Variants in DNAI4 observed in about 807,000 individuals in gnomAD.
The protein encoded by DNAI4 is dynein axonemal intermediate chain 4, also known as WD repeat domain 78.
Under a neutral mutation model 105.8 loss-of-function variants are expected in DNAI4, and 85 were observed. That is an observed-to-expected ratio of 0.80 (90% CI 0.67 to 0.96). The LOEUF (loss-of-function observed/expected upper bound fraction) is 0.96. Among genes scored for constraint, DNAI4 ranks in the 40% least tolerant of loss-of-function variants. The pLI is 0.00. For synonymous variants in DNAI4, 352 were observed against 331.5 expected, an observed-to-expected ratio of 1.06 and a Z score of -0.67; for missense variants, 1,014 against 1,005.6, an observed-to-expected ratio of 1.01 and a Z score of -0.11.
At position 66,835,635 on chromosome 1, in the gene DNAI4, A is replaced by G. The variant is rs765959990; in HGVS notation, c.1724T>C (p.Leu575Pro). 1 of 1,614,124 alleles carries G rather than the reference A, an allele frequency of 6.2e-7. No individual in the cohort carries two copies. The highest frequency in any genetic ancestry group is 1.1e-5 in the South Asian group (1 of 91,074). Residue 575 changes from leucine (L) to proline (P), a missense_variant, in exon 11 of 17, where the codon CTG (leucine) becomes CCG (proline). Transcript: ENST00000371026. ...NVRSNSNVPV[L>P]DSSESPQKHL... Reference sequence around the variant, plus strand: ...ATTCTCGGATTCTTACCTACTATCCAGAACTGGAACATTACTGTTGCTCCG... The same window carrying G: ...ATTCTCGGATTCTTACCTACTATCCGGAACTGGAACATTACTGTTGCTCCG...
At chr1:66,873,381 G>A (rs1646891155) in intron 5 of DNAI4, among the ~76,000 whole-genome samples, 2 of 150,760 alleles carry the variant, frequency 1.3e-5, no homozygotes, top group Admixed American at 6.6e-5. Flanking sequence ...GAGCAGCTGG[G>A]ACTACAGGTA....
intron 6 of DNAI4, among the ~76,000 whole-genome samples, chr1:66,864,755 C>T (rs767350224): frequency 6.6e-6 from 1 of 152,176 alleles, no homozygotes; most frequent in South Asian, 2.1e-4. Context: ...GCAGGAGAAT[C>T]GCTTGAACCC....
At chr1:66,836,148 G>C (rs1198448445) in intron 10 of DNAI4, among the ~76,000 whole-genome samples, 1 of 22,026 alleles carries the variant, frequency 4.5e-5, no homozygotes, top group Admixed American at 5.3e-4. Context: ...AGAAAAGAAA[G>C]AAAGAAAGAA....
rs60301274 is a variant in DNAI4, at chr1:66,893,034, G to GGAAA, written c.530+191_530+194dup. 1.2e-3 allele frequency among the ~76,000 whole-genome samples: 107 copies of GGAAA among 91,156 alleles called. 4 individuals are homozygous for GGAAA. Among genetic ancestry groups the GGAAA allele is most frequent in the African/African-American group, 2.6e-3 (55 of 21,034 alleles). 59.8% of individuals were successfully genotyped at this position (91,156 alleles called of 152,430 possible). A position where few individuals can be genotyped will look rare whatever the true frequency, so the allele number is the denominator to read the frequency against. Reference sequence around the variant, plus strand: ...GAGAGGAAAGAAAGAAAGAAAGAGAGGAAAGAAAGAAAGAAAGAAAGAGAG... The same window carrying GGAAA: ...GAGAGGAAAGAAAGAAAGAAAGAGAGGAAAGAAAGAAAGAAAGAAAGAAAGAGAG... On this transcript the variant is annotated intron_variant, in intron 3 of 16. Coordinates refer to ENST00000371026, the MANE Select transcript of DNAI4 (RefSeq NM_024763.5).
At chr1:66,922,487 C>T (rs1407950921) in intron 1 of DNAI4, among the ~76,000 whole-genome samples, 1 of 152,104 alleles carries the variant, frequency 6.6e-6, no homozygotes, top group Non-Finnish European at 1.5e-5. Flanking sequence ...TAGTGAGATC[C>T]TGTGGGGCCC....
intron 1 of DNAI4, among the ~76,000 whole-genome samples, chr1:66,908,141 A>G (rs1649398540): frequency 6.6e-6 from 1 of 152,228 alleles, no homozygotes; most frequent in Non-Finnish European, 1.5e-5. Context: ...CTTTGAGCCT[A>G]TACCTGTATA....
intron 6 of DNAI4, chr1:66,870,663 T>G (rs1332293786): frequency 1.4e-5 from 2 of 139,010 alleles, no homozygotes; most frequent in Admixed American, 8.0e-5. Context: ...GGGGGAGAAT[T>G]GCTTGAACCC....
At chr1:66,885,771 C>A (rs751501809) in intron 4 of DNAI4, among the ~76,000 whole-genome samples, 1 of 152,098 alleles carries the variant, frequency 6.6e-6, no homozygotes, top group Non-Finnish European at 1.5e-5. Context: ...TTCCTTCTGG[C>A]TTCCGTCAAG....
chr1:66,918,129 C>A (rs553642113), intron 1 of DNAI4, among the ~76,000 whole-genome samples: 1 of 152,080 alleles, frequency 6.6e-6, no homozygotes, highest in East Asian at 1.9e-4. Flanking sequence ...TATGAAAGTC[C>A]AAAAAAGCCA....
In DNAI4 at chr1:66,814,170, A is replaced by ATC; in HGVS notation, c.2506_2507insGA (p.Met836ArgfsTer24). On this transcript the variant is annotated frameshift_variant, in exon 17 of 17. Coordinates refer to ENST00000371026, the MANE Select transcript of DNAI4 (RefSeq NM_024763.5). LOFTEE classifies it high-confidence loss of function. ...TGACTTGGATCCAAGCAAAGTATCC[A>ATC]TTATATCTCCCTGAAAAAAAAAAGT... 1 of 1,591,428 alleles carries ATC rather than the reference A, an allele frequency of 6.3e-7. No individual in the cohort carries two copies. The highest frequency in any genetic ancestry group is 8.5e-7 in the Non-Finnish European group (1 of 1,176,982).
At position 66,813,184 on chromosome 1, in the gene DNAI4, G is replaced by C. The variant is rs551833314; in HGVS notation, c.*946C>G. On this transcript the variant is annotated 3_prime_UTR_variant, in exon 17 of 17. Transcript: ENST00000371026. ...ATATTTTTTTTCCAGAGAGTTTAGT[G>C]AATTTCATATGCCCTATCGTCTCCT... 3 of 152,262 alleles carry C rather than the reference G, an allele frequency of 2.0e-5. No individual in the cohort carries two copies. The highest frequency in any genetic ancestry group is 2.9e-5 in the Non-Finnish European group (2 of 68,020). 9.4% of individuals were successfully genotyped at this position (152,262 alleles called of 1,614,324 possible). A position where few individuals can be genotyped will look rare whatever the true frequency, so the allele number is the denominator to read the frequency against.
intron 15 of DNAI4, among the ~76,000 whole-genome samples, chr1:66,825,304 C>T (rs1338826890): frequency 1.3e-5 from 2 of 151,002 alleles, no homozygotes; most frequent in Non-Finnish European, 1.5e-5. Flanking sequence ...CTCAGCCTCC[C>T]GAGTAGCTGG....
At chr1:66,870,684 G>T (rs1233614730) in intron 6 of DNAI4, 2 of 144,212 alleles carry the variant, frequency 1.4e-5, no homozygotes, top group East Asian at 2.1e-4. Context: ...AGGAGGCAGA[G>T]GTTGCAGTGA....
At position 66,890,155 on chromosome 1, in the gene DNAI4, A is replaced by G. The variant is rs983358408; in HGVS notation, c.643+999T>C. 1.3e-5 allele frequency: 2 copies of G among 152,124 alleles called. No individual in the cohort carries two copies. Among genetic ancestry groups the G allele is most frequent in the Admixed American group, 1.3e-4 (2 of 15,270 alleles). 9.4% of individuals were successfully genotyped at this position (152,124 alleles called of 1,614,324 possible). On this transcript the variant is annotated intron_variant, in intron 4 of 16. Transcript: ENST00000371026. This position sits in a 1 kb window ranked among gnomAD's most constrained non-coding sequence, Gnocchi z 4.1. ...AAACCTCTATCTACAATAATTACAAAAAATTAGCCAGGCACGGTGGTACAT... is the reference window on the plus strand; with the variant it reads ...AAACCTCTATCTACAATAATTACAAGAAATTAGCCAGGCACGGTGGTACAT...
chr1:66,874,340 A>AT (rs1381894472), intron 5 of DNAI4, among the ~76,000 whole-genome samples: 1 of 152,102 alleles, frequency 6.6e-6, no homozygotes, highest in Non-Finnish European at 1.5e-5. Flanking sequence ...ATTTACCCAT[A>AT]TTTTGCCTTC....
chr1:66,879,277 C>A (rs990133135), intron 4 of DNAI4, among the ~76,000 whole-genome samples: 5 of 152,182 alleles, frequency 3.3e-5, no homozygotes, highest in Non-Finnish European at 7.3e-5. Context: ...TAAGTAGAAT[C>A]AGACAGGATA....
chr1:66,891,586 T>C (rs901138241), intron 3 of DNAI4, among the ~76,000 whole-genome samples: 5 of 152,180 alleles, frequency 3.3e-5, no homozygotes, highest in African/African-American at 4.8e-5. Context: ...CTCAGCCTCC[T>C]GAGTGGCTGG....
At chr1:66,874,663 C>A (rs527358728) in intron 5 of DNAI4, 118 bp downstream of exon 5, 9 of 931,392 alleles carry the variant, frequency 9.7e-6, no homozygotes, top group African/African-American at 8.5e-5. Flanking sequence ...CAGTCTCCCC[C>A]CAAACCCCAT....
intron 7 of DNAI4, chr1:66,847,996 T>G: frequency 2.9e-6 from 1 of 348,972 alleles, no homozygotes; most frequent in Admixed American, 4.7e-5. Flanking sequence ...AGGTCTGATT[T>G]GATTATTGCT....
Sources: gnomAD v4.1 joint callset for allele counts (sites outside exome capture counted in the v4.1 genomes callset) on GRCh38, gnomAD v4.1.1 for gene constraint, Gnocchi (gnomAD v3.1) non-coding constraint, MANE v1.5 for transcripts, NCBI Gene and HGNC (gene_info 2026-07-23, HGNC 2026-07-21) for gene names.